ATP10A: variants seen among roughly 807,000 people sequenced by gnomAD.
The protein encoded by ATP10A is phospholipid-transporting ATPase VA.
ATP10A carries 111 observed loss-of-function variants against 147.8 expected under a neutral mutation model. The ratio of observed to expected loss-of-function variants is 0.75; its 90% CI spans 0.64 to 0.88. The LOEUF is 0.88. ATP10A is among the 40% of genes least tolerant of loss of function. The probability of loss-of-function intolerance (pLI) is 0.00; values close to 1 mark genes in which losing one functional copy is unlikely to be tolerated. For synonymous variants in ATP10A, 875 were observed against 841.6 expected (o/e 1.04, Z -0.69); for missense variants, 1,927 against 1,959.0 (o/e 0.98, Z 0.31).
chr15:25,813,064 A>G (rs1030939422), intron 1 of ATP10A, among the ~76,000 whole-genome samples: 1 of 152,208 alleles, frequency 6.6e-6, no homozygotes, highest in Non-Finnish European at 1.5e-5. Flanking sequence ...GAAGTTTGTA[A>G]GGCAGTGCCC....
In ATP10A at chr15:25,769,191, T is replaced by G. The variant is rs939125738; in HGVS notation, c.654+11828A>C. Among the ~76,000 whole-genome samples, 9 of 152,016 alleles carry G rather than the reference T, an allele frequency of 5.9e-5. No individual in the cohort carries two copies. The East Asian group carries it at 1.7e-3, about 29-fold the overall frequency. ...CACTGTTATCCACAGAGCTTTTACT[T>G]TTACATGCATATAGGCTGGGCATGG... On this transcript the variant is annotated intron_variant, in intron 2 of 20. Coordinates refer to ENST00000555815, the MANE Select transcript of ATP10A (RefSeq NM_024490.4).
At chr15:25,792,617 C>T (rs1189548198) in intron 1 of ATP10A, among the ~76,000 whole-genome samples, 1 of 152,174 alleles carries the variant, frequency 6.6e-6, no homozygotes, top group Non-Finnish European at 1.5e-5. Flanking sequence ...AACCCCAACC[C>T]CCCAAGCACT....
chr15:25,729,059 C>T (rs373972440), intron 3 of ATP10A, among the ~76,000 whole-genome samples: 7 of 152,214 alleles, frequency 4.6e-5, no homozygotes, highest in East Asian at 1.9e-4. Context: ...CACACAAGAA[C>T]GTGAGCCGTC....
intron 1 of ATP10A, among the ~76,000 whole-genome samples, chr15:25,835,479 A>G (rs61993770): frequency 0.21 from 31,673 of 152,048 alleles, 3,375 homozygotes; most frequent in South Asian, 0.24. Context: ...CAGTGAGGGC[A>G]GGGACCATAG....
intron 1 of ATP10A, among the ~76,000 whole-genome samples, chr15:25,799,027 C>T (rs1410669671): frequency 6.6e-6 from 1 of 152,222 alleles, no homozygotes; most frequent in East Asian, 1.9e-4. Context: ...CCCTCCCTTT[C>T]TCTGTGCCTT....
intron 12 of ATP10A, among the ~76,000 whole-genome samples, chr15:25,703,225 G>T (rs535674365): frequency 6.6e-6 from 1 of 152,316 alleles, no homozygotes. Context: ...GGGCGTGGTA[G>T]TGGGTGCCTG....
intron 2 of ATP10A, among the ~76,000 whole-genome samples, chr15:25,755,405 C>T (rs925191010): frequency 6.6e-6 from 1 of 152,182 alleles, no homozygotes; most frequent in Non-Finnish European, 1.5e-5. Context: ...CAGTGGACTA[C>T]TTATGGGCCA....
intron 15 of ATP10A, among the ~76,000 whole-genome samples, chr15:25,690,232 C>CTTTT (rs67257443): frequency 1.8e-4 from 24 of 137,100 alleles, no homozygotes; most frequent in African/African-American, 5.8e-4. Context: ...ATTTTTTTTC[C>CTTTT]TTTTTTTTAA....
rs1222049378 is a variant in ATP10A at position 25,704,404 on chromosome 15, C to T, written c.2576-2304G>A. 7.2e-5 allele frequency among the ~76,000 whole-genome samples: 11 copies of T among 152,176 alleles called. No individual in the cohort carries two copies. In the East Asian group the frequency reaches 1.9e-3, roughly 27 times the overall value. ...AACTTCCTGCCTCAAGGACCTTGTG[C>T]CTCCCACCTTTGTATCCGAGCTGCT... is the stretch of plus-strand genomic sequence containing the variant. On this transcript the variant is annotated intron_variant, in intron 12 of 20. Coordinates refer to ENST00000555815, the MANE Select transcript of ATP10A (RefSeq NM_024490.4).
chr15:25,798,135 G>C (rs1890769176), intron 1 of ATP10A, among the ~76,000 whole-genome samples: 1 of 152,126 alleles, frequency 6.6e-6, no homozygotes, highest in South Asian at 2.1e-4. Context: ...TGGAGTTAAG[G>C]AGCTCCTCAG....
chr15:25,676,980 T>A (rs549002508), downstream of ATP10A, among the ~76,000 whole-genome samples: 188 of 152,282 alleles, frequency 1.2e-3, no homozygotes, highest in Middle Eastern at 3.4e-3. Flanking sequence ...TTCAAACATT[T>A]TCTCAGCACA....
intron 2 of ATP10A, among the ~76,000 whole-genome samples, chr15:25,750,608 G>A (rs1388823387): frequency 6.6e-6 from 1 of 152,108 alleles, no homozygotes; most frequent in Non-Finnish European, 1.5e-5. Flanking sequence ...CTCTTTTTAT[G>A]AGCATGGGTA....
intron 3 of ATP10A, among the ~76,000 whole-genome samples, chr15:25,730,643 G>C (rs1902925222): frequency 6.6e-6 from 1 of 152,182 alleles, no homozygotes; most frequent in African/African-American, 2.4e-5. Flanking sequence ...AGGGTGTTCA[G>C]TCGGCTTCCT....
At chr15:25,697,078 C>T (rs568421505) in intron 13 of ATP10A, among the ~76,000 whole-genome samples, 1 of 152,318 alleles carries the variant, frequency 6.6e-6, no homozygotes, top group Non-Finnish European at 1.5e-5. Flanking sequence ...ACCAGAGGCG[C>T]TGGAAAAATT....
chr15:25,735,443 GGGCCA>G (rs1887215696), intron 3 of ATP10A, among the ~76,000 whole-genome samples: 1 of 152,252 alleles, frequency 6.6e-6, no homozygotes, highest in Admixed American at 6.5e-5. Flanking sequence ...TGCCAACACA[GGGCCA>G]GGCCTGTGCC....
In ATP10A at chr15:25,758,888, T is replaced by A. The variant is rs28859942; in HGVS notation, c.654+22131A>T. Among the ~76,000 whole-genome samples the A allele has an allele frequency of 1.3e-3, 173 of 129,330 alleles. 4 individuals are homozygous for A. The highest frequency in any genetic ancestry group is 4.5e-3 in the Middle Eastern group (1 of 220). The allele number at this position is 129,330 out of a possible 152,430, so 84.8% of individuals were successfully genotyped here. The stretch of plus-strand genomic sequence containing the variant: ...TCATTCCGACCACCTGCTCCACCCT[T>A]ACTCATTCTGATCACCTGCTCCACC... On this transcript the variant is annotated intron_variant, in intron 2 of 20. Transcript: ENST00000555815.
chr15:25,780,971 C>CT lies in ATP10A; in HGVS notation c.654+47dup, dbSNP rs1250515530. The CT allele has an allele frequency of 1.6e-5, 26 of 1,586,438 alleles. No individual in the cohort carries two copies. In the East Asian group the frequency reaches 5.8e-4, roughly 36 times the overall value. On this transcript the variant is annotated intron_variant, in intron 2 of 20. Coordinates refer to ENST00000555815, the MANE Select transcript of ATP10A (RefSeq NM_024490.4). ...GCCCCAGAAGGCTGTCATGGGGACA[C>CT]TGTGTGGCTGTAATGCCTGCAAGGC...
intron 1 of ATP10A, among the ~76,000 whole-genome samples, chr15:25,810,452 A>G (rs887303683): frequency 3.9e-5 from 6 of 152,202 alleles, no homozygotes; most frequent in African/African-American, 1.4e-4. Context: ...ATGTCCTAGG[A>G]ATGGGCATCA....
intron 15 of ATP10A, among the ~76,000 whole-genome samples, chr15:25,691,377 C>T (rs539414002): frequency 1.1e-4 from 16 of 152,222 alleles, no homozygotes; most frequent in African/African-American, 3.6e-4. Flanking sequence ...TCCGTGTTCA[C>T]GGACAGTAAA....
Sources: gnomAD v4.1 joint callset for allele counts (sites outside exome capture counted in the v4.1 genomes callset) on GRCh38, gnomAD v4.1.1 for gene constraint, MANE v1.5 for transcripts, NCBI Gene and HGNC (gene_info 2026-07-23, HGNC 2026-07-21) for gene names.